Variants in ATXN7 observed in about 807,000 individuals in gnomAD.
ATXN7 encodes ataxin 7, also known as ataxin-7.
ATXN7 carries 12 observed loss-of-function variants against 70.5 expected under a neutral mutation model. The ratio of observed to expected loss-of-function variants is 0.17; its 90% CI spans 0.11 to 0.28. The LOEUF (loss-of-function observed/expected upper bound fraction) is 0.28. Ranked by LOEUF, ATXN7 falls within the 10% of genes least tolerant of loss-of-function variation. The probability of loss-of-function intolerance (pLI) is 1.00; values close to 1 mark genes in which losing one functional copy is unlikely to be tolerated. For missense variants in ATXN7, 1,256 were observed against 1,131.7 expected (o/e 1.11, Z -1.58); for synonymous variants, 498 against 448.7 (o/e 1.11, Z -1.39).
At chr3:63,890,159 G>C (rs1273731498) in intron 1 of ATXN7, among the ~76,000 whole-genome samples, 3 of 152,176 alleles carry the variant, frequency 2.0e-5, no homozygotes, top group Non-Finnish European at 4.4e-5. Context: ...AGCATCCTAA[G>C]CAACTGTTTG....
intron 4 of ATXN7, among the ~76,000 whole-genome samples, chr3:63,915,654 A>C (rs563634421): frequency 6.6e-6 from 1 of 152,074 alleles, no homozygotes; most frequent in Non-Finnish European, 1.5e-5. Context: ...CATGTGAGTG[A>C]ATCACTGGAA....
intron 12 of ATXN7, chr3:63,997,676 C>T: frequency 1.3e-6 from 2 of 1,552,122 alleles, no homozygotes; most frequent in South Asian, 2.4e-5. Context: ...CCCCAGAGCC[C>T]TGACTTAAAA....
intron 4 of ATXN7, among the ~76,000 whole-genome samples, chr3:63,940,285 TCACACACACACACA>T (rs34660611): frequency 1.0e-3 from 142 of 141,522 alleles, no homozygotes; most frequent in African/African-American, 1.8e-3. Flanking sequence ...CCATGCCCCA[TCACACACACACACA>T]CACACACACA....
In ATXN7 at chr3:64,000,099, G is replaced by C. The variant is rs1164767569; in HGVS notation, c.*632G>C. 6.6e-6 allele frequency: 1 copy of C among 152,586 alleles called. No individual in the cohort carries two copies. Among genetic ancestry groups the C allele is most frequent in the African/African-American group, 2.4e-5 (1 of 41,410 alleles). 9.5% of individuals were successfully genotyped at this position (152,586 alleles called of 1,614,324 possible). A position where few individuals can be genotyped will look rare whatever the true frequency, so the allele number is the denominator to read the frequency against. On this transcript the variant is annotated 3_prime_UTR_variant, in exon 13 of 13. Coordinates refer to ENST00000674280, the MANE Select transcript of ATXN7 (RefSeq NM_001377405.1). ...GCCCAGCCTTTTGAGAGTAATTTGGGAAAAGAAGCTGTCAGAAGTTTCTAA... is the reference window on the plus strand; with the variant it reads ...GCCCAGCCTTTTGAGAGTAATTTGGCAAAAGAAGCTGTCAGAAGTTTCTAA...
At chr3:63,924,741 G>A (rs1320701033) in intron 4 of ATXN7, among the ~76,000 whole-genome samples, 1 of 152,158 alleles carries the variant, frequency 6.6e-6, no homozygotes, top group Non-Finnish European at 1.5e-5. Context: ...CATTGTATGG[G>A]GAAGTGATAG....
intron 4 of ATXN7, among the ~76,000 whole-genome samples, chr3:63,913,437 C>T (rs987462004): frequency 6.6e-6 from 1 of 152,136 alleles, no homozygotes; most frequent in Non-Finnish European, 1.5e-5. Flanking sequence ...CCTTCTGTGA[C>T]CAGGCAGGAG....
At chr3:63,929,567 G>A (rs367914602) in intron 4 of ATXN7, among the ~76,000 whole-genome samples, 4 of 152,212 alleles carry the variant, frequency 2.6e-5, no homozygotes, top group Admixed American at 6.5e-5. Flanking sequence ...CACTGCGCCC[G>A]GCCTGCCTTT....
chr3:63,911,755 A>G (rs1032877695), intron 2 of ATXN7: 8 of 152,228 alleles, frequency 5.3e-5, no homozygotes, highest in African/African-American at 1.7e-4. Context: ...TGGCGTGCAC[A>G]CGGTACTTCG....
intron 12 of ATXN7, chr3:63,998,542 T>C: frequency 1.0e-6 from 1 of 985,392 alleles, no homozygotes; most frequent in Non-Finnish European, 1.2e-6. Flanking sequence ...CTTTGGGCTT[T>C]TTCCTTAAAA....
chr3:63,993,269 T>C (rs1299924762), intron 11 of ATXN7, among the ~76,000 whole-genome samples: 1 of 148,826 alleles, frequency 6.7e-6, no homozygotes, highest in Admixed American at 6.7e-5. Context: ...AGATTTTTGT[T>C]GGTGTATTTT....
At chr3:63,990,034 G>C (rs2075643610) in intron 9 of ATXN7, 142 bp from the exon 10 acceptor site, 1 of 713,364 alleles carries the variant, frequency 1.4e-6, no homozygotes. Flanking sequence ...AAGCCACCTG[G>C]ATCAGCATCT....
Position 63,996,346 on chromosome 3 carries a change from A to G in ATXN7, c.2524A>G (p.Ser842Gly), listed in dbSNP as rs1559663523. ...AGGAAAGAAAAGAAAGTGCTCACCC[A>G]GCTCGAGCAGCATCAACAACAGCAG... ...LIGKKRKCSPSSSSINNSSSK... is the reference protein window; with the variant it reads ...LIGKKRKCSPGSSSINNSSSK... The change falls in exon 12 of 13, where the codon AGC becomes GGC. Residue 842 changes from serine to glycine, a missense_variant. Transcript: ENST00000674280. The G allele has an allele frequency of 6.2e-7, 1 of 1,614,196 alleles. No homozygotes were observed. The highest frequency in any genetic ancestry group is 8.5e-7 in the Non-Finnish European group (1 of 1,180,034).
intron 4 of ATXN7, among the ~76,000 whole-genome samples, chr3:63,941,616 A>G (rs2074770544): frequency 6.6e-6 from 1 of 151,964 alleles, no homozygotes; most frequent in Non-Finnish European, 1.5e-5. Context: ...TTTTTACTTG[A>G]AACATCTCAC....
chr3:63,990,107 G>T, intron 9 of ATXN7, 69 bp from the exon 10 acceptor site: 2 of 1,482,382 alleles, frequency 1.3e-6, no homozygotes, highest in Non-Finnish European at 1.9e-6. Flanking sequence ...ACACACTGTT[G>T]TATCTCAGTT....
chr3:63,863,766 C>T, upstream of ATXN7: 3 of 1,252,292 alleles, frequency 2.4e-6, no homozygotes, highest in African/African-American at 1.6e-5. Context: ...GCGAGCGGGG[C>T]CTCACCGTCA....
chr3:63,928,695 G>T (rs1045437319), intron 4 of ATXN7, among the ~76,000 whole-genome samples: 1 of 152,172 alleles, frequency 6.6e-6, no homozygotes. Flanking sequence ...TGGCAAAGCT[G>T]CGATTCCTGG....
Position 63,884,153 on chromosome 3 carries a change from A to G in ATXN7, c.-110-14246A>G, listed in dbSNP as rs370222951. On this transcript the variant is annotated intron_variant, in intron 1 of 12. Transcript: ENST00000674280. ...CTGTGCCTGAGACAGGGAATAAACA[A>G]TATGAGCCTGTAGTATCTTCTAGCT... Among the ~76,000 whole-genome samples, 149 of 152,058 alleles carry G rather than the reference A, an allele frequency of 9.8e-4. 3 individuals are homozygous for G. In the South Asian group the frequency reaches 0.028, roughly 29 times the overall value.
intron 1 of ATXN7, among the ~76,000 whole-genome samples, chr3:63,880,948 GA>G (rs1345880732): frequency 6.6e-6 from 1 of 152,166 alleles, no homozygotes; most frequent in Non-Finnish European, 1.5e-5. Context: ...GCAAAAAAGG[GA>G]AAAAGAACTG....
rs899180906 is a variant in ATXN7, at chr3:64,003,260, T to C, written c.*3793T>C. The C allele has an allele frequency of 6.7e-6, 1 of 149,124 alleles. No homozygotes were observed. Among genetic ancestry groups the C allele is most frequent in the Non-Finnish European group, 1.5e-5 (1 of 67,550 alleles). The allele number at this position is 149,124 out of a possible 1,614,324, so 9.2% of individuals were successfully genotyped here. On this transcript the variant is annotated 3_prime_UTR_variant, in exon 13 of 13. Transcript: ENST00000674280. ...TGGTTATAAAAGCAATCTCCTGTGTTAAAAACGTGTGAATAGTTTGATAAT... is the reference window on the plus strand; with the variant it reads ...TGGTTATAAAAGCAATCTCCTGTGTCAAAAACGTGTGAATAGTTTGATAAT...
Sources: gnomAD v4.1 joint callset for allele counts (sites outside exome capture counted in the v4.1 genomes callset) on GRCh38, gnomAD v4.1.1 for gene constraint, MANE v1.5 for transcripts, NCBI Gene and HGNC (gene_info 2026-07-23, HGNC 2026-07-21) for gene names.